CDYL: variants seen among roughly 807,000 people sequenced by gnomAD.
The protein encoded by CDYL is chromodomain Y like.
In CDYL, 8 loss-of-function variants were observed where a neutral mutation model predicts 47.3. That is an observed-to-expected ratio of 0.17 (90% CI 0.10 to 0.31). The LOEUF is 0.31. Ranked by LOEUF, CDYL falls within the 10% of genes least tolerant of loss-of-function variation. The probability of loss-of-function intolerance (pLI) is 1.00; values close to 1 mark genes in which losing one functional copy is unlikely to be tolerated. For synonymous variants in CDYL, 266 were observed against 265.0 expected, an observed-to-expected ratio of 1.00 and a Z score of -0.04; for missense variants, 471 against 701.4, an observed-to-expected ratio of 0.67 and a Z score of 3.71.
At chr6:4,893,195 C>T (rs975533622) in intron 2 of CDYL, among the ~76,000 whole-genome samples, 4 of 152,238 alleles carry the variant, frequency 2.6e-5, no homozygotes, top group Non-Finnish European at 4.4e-5. Context: ...CATTCTTGGA[C>T]GAGGGTGGTG....
intron 2 of CDYL, among the ~76,000 whole-genome samples, chr6:4,929,661 C>G (rs1757980186): frequency 6.6e-6 from 1 of 152,094 alleles, no homozygotes; most frequent in South Asian, 2.1e-4. Flanking sequence ...GTTCTCTGAT[C>G]TTTTTAGTAT....
At chr6:4,795,595 T>G (rs1053604118) in intron 1 of CDYL, among the ~76,000 whole-genome samples, 1 of 152,162 alleles carries the variant, frequency 6.6e-6, no homozygotes, top group African/African-American at 2.4e-5. Flanking sequence ...CAATTATGGT[T>G]TAATGTCTTT....
intron 2 of CDYL, among the ~76,000 whole-genome samples, chr6:4,897,828 C>T (rs1458108370): frequency 2.8e-5 from 4 of 144,786 alleles, no homozygotes; most frequent in Admixed American, 7.1e-5. Context: ...GAGGCCAAGG[C>T]GGGCGGATCA....
chr6:4,860,947 T>C (rs808608), intron 1 of CDYL, among the ~76,000 whole-genome samples: 6 of 152,010 alleles, frequency 3.9e-5, no homozygotes, highest in Non-Finnish European at 8.8e-5. Context: ...CTCAAATGTT[T>C]ATCTGTTTTG....
intron 1 of CDYL, among the ~76,000 whole-genome samples, chr6:4,830,873 G>A (rs1036516259): frequency 7.3e-5 from 11 of 151,506 alleles, no homozygotes; most frequent in African/African-American, 1.9e-4. Flanking sequence ...TTGTTCTTGC[G>A]ATAGTTTACT....
intron 1 of CDYL, among the ~76,000 whole-genome samples, chr6:4,822,722 C>G (rs191203462): frequency 6.6e-6 from 1 of 152,154 alleles, no homozygotes; most frequent in Non-Finnish European, 1.5e-5. Flanking sequence ...AACCCTATTT[C>G]ATGTGTTTTC....
chr6:4,910,033 AC>A (rs1431530425), intron 2 of CDYL, among the ~76,000 whole-genome samples: 1 of 51,838 alleles, frequency 1.9e-5, no homozygotes, highest in African/African-American at 6.7e-5. Flanking sequence ...ATACACACAT[AC>A]CTTTTTTTTT....
At chr6:4,779,465 C>T (rs1758553330) in intron 1 of CDYL, among the ~76,000 whole-genome samples, 1 of 152,150 alleles carries the variant, frequency 6.6e-6, no homozygotes, top group Non-Finnish European at 1.5e-5. Flanking sequence ...GAAATGTCTC[C>T]AATACTTAGC....
At chr6:4,793,665 G>A (rs1758991001) in intron 1 of CDYL, among the ~76,000 whole-genome samples, 1 of 152,208 alleles carries the variant, frequency 6.6e-6, no homozygotes, top group African/African-American at 2.4e-5. Flanking sequence ...CCAACTAGGA[G>A]GCTGGCAGGA....
At chr6:4,951,281 G>A (rs949631115) in intron 5 of CDYL, among the ~76,000 whole-genome samples, 12 of 152,090 alleles carry the variant, frequency 7.9e-5, no homozygotes, top group Non-Finnish European at 1.2e-4. Flanking sequence ...AAGGTTAACC[G>A]GGCAAGATAA....
At chr6:4,887,726 T>A (rs1384633284) in intron 1 of CDYL, among the ~76,000 whole-genome samples, 1 of 152,146 alleles carries the variant, frequency 6.6e-6, no homozygotes. Flanking sequence ...TCCAATACAA[T>A]GTTGAATAGA....
chr6:4,791,204 T>C (rs949944811), intron 1 of CDYL, among the ~76,000 whole-genome samples: 1 of 152,214 alleles, frequency 6.6e-6, no homozygotes, highest in Admixed American at 6.5e-5. Flanking sequence ...TCAATACCAC[T>C]GTTCACTGTA....
At chr6:4,901,171 G>A (rs761244555) in intron 2 of CDYL, among the ~76,000 whole-genome samples, 20 of 152,046 alleles carry the variant, frequency 1.3e-4, no homozygotes, top group Admixed American at 5.2e-4. Flanking sequence ...AGATTTCTTA[G>A]GTCAGATGAC....
At chr6:4,791,714 A>G (rs1276840357) in intron 1 of CDYL, among the ~76,000 whole-genome samples, 6 of 152,136 alleles carry the variant, frequency 3.9e-5, no homozygotes, top group South Asian at 2.1e-4. Context: ...AAGAAAGAAA[A>G]AAAAAAAGTC....
At chr6:4,953,667 C>T (rs1455436213) in intron 6 of CDYL, among the ~76,000 whole-genome samples, 3 of 152,204 alleles carry the variant, frequency 2.0e-5, no homozygotes, top group Admixed American at 6.5e-5. Flanking sequence ...GTGCCGACAG[C>T]CCAGCTCTCC....
chr6:4,895,600 A>T (rs1192696888), intron 2 of CDYL, among the ~76,000 whole-genome samples: 20 of 151,826 alleles, frequency 1.3e-4, no homozygotes, highest in Admixed American at 1.3e-3. Flanking sequence ...CTTGATTTTC[A>T]AAACTTCGAG....
intron 1 of CDYL, among the ~76,000 whole-genome samples, chr6:4,868,074 T>C (rs1421433226): frequency 1.3e-5 from 2 of 151,900 alleles, no homozygotes; most frequent in African/African-American, 4.8e-5. Context: ...TATTTTTTGG[T>C]TTGAAGTATT....
intron 1 of CDYL, among the ~76,000 whole-genome samples, chr6:4,857,342 T>TTAA (rs1761039680): frequency 6.6e-6 from 1 of 152,210 alleles, no homozygotes; most frequent in African/African-American, 2.4e-5. Flanking sequence ...AAGTTTTACA[T>TTAA]TAATAACAAT....
intron 1 of CDYL, among the ~76,000 whole-genome samples, chr6:4,848,812 T>C (rs1489147774): frequency 1.3e-5 from 2 of 152,266 alleles, no homozygotes; most frequent in Non-Finnish European, 2.9e-5. Context: ...GAGGCTTCTC[T>C]GTGAAGCCTG....
Sources: gnomAD v4.1 joint callset for allele counts (sites outside exome capture counted in the v4.1 genomes callset) on GRCh38, gnomAD v4.1.1 for gene constraint, MANE v1.5 for transcripts, NCBI Gene and HGNC (gene_info 2026-07-23, HGNC 2026-07-21) for gene names.